Variants in FAM118B observed in about 807,000 individuals in gnomAD.
FAM118B encodes the protein protein FAM118B.
Under a neutral mutation model 38.5 loss-of-function variants are expected in FAM118B, and 24 were observed. That is an observed-to-expected ratio of 0.62 (90% CI 0.45 to 0.88). FAM118B has a LOEUF of 0.88. Ranked by LOEUF, FAM118B falls within the 40% of genes least tolerant of loss-of-function variation. FAM118B has a pLI of 0.00. For missense variants in FAM118B, 334 were observed against 420.0 expected (o/e 0.80, Z 1.79); for synonymous variants, 138 against 156.3 (o/e 0.88, Z 0.87).
chr11:126,248,591 C>T (rs548713027), intron 4 of FAM118B, among the ~76,000 whole-genome samples: 3 of 152,008 alleles, frequency 2.0e-5, no homozygotes, highest in South Asian at 2.1e-4. Context: ...AGGATGGTCT[C>T]GATCTCTTGA....
chr11:126,231,445 T>A (rs1216227883), intron 2 of FAM118B, among the ~76,000 whole-genome samples: 2 of 152,260 alleles, frequency 1.3e-5, no homozygotes, highest in Non-Finnish European at 1.5e-5. Context: ...CTAGAAGGAA[T>A]AAAATATGGT....
intron 7 of FAM118B, among the ~76,000 whole-genome samples, chr11:126,258,954 C>CT (rs1289657433): frequency 6.6e-6 from 1 of 152,152 alleles, no homozygotes; most frequent in Admixed American, 6.5e-5. Flanking sequence ...GGCACAAATT[C>CT]TTTTATTAGC....
At chr11:126,249,196 C>T (rs1025228054) in intron 4 of FAM118B, among the ~76,000 whole-genome samples, 2 of 152,054 alleles carry the variant, frequency 1.3e-5, no homozygotes, top group Non-Finnish European at 2.9e-5. Flanking sequence ...ACAACATAGC[C>T]AGACCTCACA....
intron 3 of FAM118B, among the ~76,000 whole-genome samples, chr11:126,238,254 C>T (rs775521680): frequency 2.5e-4 from 38 of 151,882 alleles, no homozygotes; most frequent in Non-Finnish European, 4.1e-4. Context: ...CCCAGCTACT[C>T]GGGAGGCTGA....
intron 4 of FAM118B, 149 bp downstream of exon 4, chr11:126,241,193 T>C (rs1229758110): frequency 9.6e-6 from 8 of 831,934 alleles, no homozygotes; most frequent in Non-Finnish European, 1.3e-5. Context: ...TTGACTCTTC[T>C]GCGCAATGTC....
At chr11:126,226,802 GA>G (rs1391281242) in intron 1 of FAM118B, among the ~76,000 whole-genome samples, 3 of 151,962 alleles carry the variant, frequency 2.0e-5, no homozygotes, top group Admixed American at 2.0e-4. Context: ...ACAACATGGT[GA>G]AACCCCGTGT....
At chr11:126,239,837 G>T (rs1207500847) in intron 3 of FAM118B, among the ~76,000 whole-genome samples, 1 of 152,200 alleles carries the variant, frequency 6.6e-6, no homozygotes. Flanking sequence ...TTTGTTGAAT[G>T]ACTGAATGCA....
chr11:126,215,425 G>A (rs761043136), intron 1 of FAM118B, among the ~76,000 whole-genome samples: 1 of 152,162 alleles, frequency 6.6e-6, no homozygotes, highest in Non-Finnish European at 1.5e-5. Flanking sequence ...CTGGCCAGGC[G>A]CGGTGGCTTA....
chr11:126,227,352 G>A (rs927272507), intron 1 of FAM118B, among the ~76,000 whole-genome samples: 2 of 152,018 alleles, frequency 1.3e-5, no homozygotes, highest in South Asian at 2.1e-4. Context: ...GTGAGCCACC[G>A]TGCCCAGCCA....
At chr11:126,229,437 C>T (rs1950181474) in intron 2 of FAM118B, 144 bp downstream of exon 2, 1 of 152,102 alleles carries the variant, frequency 6.6e-6, no homozygotes, top group African/African-American at 2.4e-5. Context: ...CATCTGAGCT[C>T]TTTTGTTTGT....
intron 2 of FAM118B, among the ~76,000 whole-genome samples, chr11:126,232,537 A>G (rs1431977623): frequency 2.0e-5 from 3 of 152,022 alleles, no homozygotes; most frequent in Non-Finnish European, 4.4e-5. Flanking sequence ...TTCCCTCTAC[A>G]TTTTACTTTC....
At chr11:126,219,331 C>G (rs1950027282) in intron 1 of FAM118B, among the ~76,000 whole-genome samples, 1 of 119,716 alleles carries the variant, frequency 8.4e-6, no homozygotes, top group South Asian at 2.9e-4. Flanking sequence ...GGAAGCTTAT[C>G]CTTCAGCTCT....
chr11:126,224,176 A>C (rs1479310308), intron 1 of FAM118B, among the ~76,000 whole-genome samples: 1 of 152,174 alleles, frequency 6.6e-6, no homozygotes, highest in Non-Finnish European at 1.5e-5. Flanking sequence ...GGCAGATAAC[A>C]ATAAATATAA....
intron 4 of FAM118B, among the ~76,000 whole-genome samples, chr11:126,249,109 A>T (rs1950461943): frequency 6.6e-6 from 1 of 152,200 alleles, no homozygotes; most frequent in Admixed American, 6.5e-5. Context: ...AAAGTGGCTG[A>T]TACCCATAAT....
chr11:126,257,283 C>T (rs901174549), intron 7 of FAM118B, among the ~76,000 whole-genome samples: 2 of 152,072 alleles, frequency 1.3e-5, no homozygotes, highest in Admixed American at 1.3e-4. Context: ...AATCTTTGAC[C>T]TAGAAATCCC....
At chr11:126,226,011 G>T (rs2135139629) in intron 1 of FAM118B, among the ~76,000 whole-genome samples, 1 of 152,294 alleles carries the variant, frequency 6.6e-6, no homozygotes, top group African/African-American at 2.4e-5. Flanking sequence ...TAAATAAAAT[G>T]TTGAGAAGCA....
Position 126,250,459 on chromosome 11 carries a change from T to C in FAM118B, c.340-47T>C. Reference sequence around the variant, plus strand: ...ACTGCTGTAACTAAAACAACTGACCTACCAAAGCACTTTGGACTAATTTTC... The same window carrying C: ...ACTGCTGTAACTAAAACAACTGACCCACCAAAGCACTTTGGACTAATTTTC... On this transcript the variant is annotated intron_variant, in intron 4 of 8. Transcript: ENST00000533050. This position sits in a 1 kb window ranked among gnomAD's most constrained non-coding sequence, Gnocchi z 5.1. 1 of 1,356,954 alleles carries C rather than the reference T, an allele frequency of 7.4e-7. No individual in the cohort carries two copies. Among genetic ancestry groups the C allele is most frequent in the Non-Finnish European group, 1.0e-6 (1 of 956,230 alleles). The allele number at this position is 1,356,954 out of a possible 1,614,324, so 84.1% of individuals were successfully genotyped here.
In FAM118B at chr11:126,252,009, G is replaced by A. The variant is rs1306358307; in HGVS notation, c.567+1276G>A. Among the ~76,000 whole-genome samples the A allele has an allele frequency of 6.6e-6, 1 of 150,436 alleles. No individual in the cohort carries two copies. Among genetic ancestry groups the A allele is most frequent in the Non-Finnish European group, 1.5e-5 (1 of 67,758 alleles). On this transcript the variant is annotated intron_variant, in intron 5 of 8. Transcript: ENST00000533050. The surrounding 1 kb of genome is among the most constrained non-coding windows in gnomAD (Gnocchi z 4.7). ...GTTTTGTTTTGTTTTGTTTTGAGAT[G>A]GAGTTTTGCTCTTGTCGCCCAGGCT...
chr11:126,230,939 C>A (rs1454989805), intron 2 of FAM118B, among the ~76,000 whole-genome samples: 7 of 152,224 alleles, frequency 4.6e-5, no homozygotes, highest in Non-Finnish European at 8.8e-5. Flanking sequence ...ATAACCAGTT[C>A]CTTTTCTCTT....
Sources: allele counts gnomAD v4.1 joint callset (sites outside exome capture counted in the v4.1 genomes callset), GRCh38; gene constraint gnomAD v4.1.1; non-coding constraint Gnocchi (gnomAD v3.1); transcripts MANE v1.5; gene names NCBI Gene and HGNC (gene_info 2026-07-23, HGNC 2026-07-21).